Variants in TAFA2 observed in about 807,000 individuals in gnomAD.
The protein encoded by TAFA2 is chemokine-like protein TAFA-2.
In TAFA2, 7 loss-of-function variants were observed where a neutral mutation model predicts 18.8. The ratio of observed to expected loss-of-function variants is 0.37; its 90% CI spans 0.21 to 0.70. The LOEUF (loss-of-function observed/expected upper bound fraction) is 0.70. Among genes scored for constraint, TAFA2 ranks in the 30% least tolerant of loss-of-function variants. The pLI, the probability that TAFA2 is intolerant of heterozygous loss-of-function variation, is 0.53. For missense variants in TAFA2, 122 were observed against 158.1 expected (o/e 0.77, Z 1.23); for synonymous variants, 60 against 54.2 (o/e 1.11, Z -0.47).
intron 1 of TAFA2, among the ~76,000 whole-genome samples, chr12:62,119,175 A>G (rs1403414110): frequency 4.6e-5 from 7 of 152,164 alleles, no homozygotes; most frequent in Non-Finnish European, 1.0e-4. Flanking sequence ...TTTACTCTTC[A>G]GGCATTGATC....
intron 1 of TAFA2, among the ~76,000 whole-genome samples, chr12:62,174,019 T>C (rs925359060): frequency 6.6e-6 from 1 of 152,148 alleles, no homozygotes; most frequent in African/African-American, 2.4e-5. Context: ...TGGCCAGGCG[T>C]GGTGGTTCAT....
chr12:61,789,674 A>C (rs1362931786), intron 2 of TAFA2, among the ~76,000 whole-genome samples: 1 of 151,902 alleles, frequency 6.6e-6, no homozygotes, highest in Non-Finnish European at 1.5e-5. Context: ...CATGTATCCC[A>C]GAACTTAAAG....
intron 4 of TAFA2, among the ~76,000 whole-genome samples, chr12:61,737,029 T>C (rs1868315776): frequency 6.6e-6 from 1 of 151,942 alleles, no homozygotes; most frequent in Non-Finnish European, 1.5e-5. Context: ...GACTATAATA[T>C]TGTCAGTTAG....
Position 61,791,081 on chromosome 12 carries a change from G to A in TAFA2, c.107-36057C>T, listed in dbSNP as rs149474136. 1.8e-3 allele frequency among the ~76,000 whole-genome samples: 277 copies of A among 151,696 alleles called. 1 individual carries two copies. The highest frequency in any genetic ancestry group is 3.7e-3 in the Non-Finnish European group (250 of 67,746). ...CACATCAGCACTGATTTTCGACAAC[G>A]GTCCCAAGAACAAATATTAGGGAAA... On this transcript the variant is annotated intron_variant, in intron 2 of 4. Transcript: ENST00000416284.
chr12:62,081,321 T>A (rs895535293), intron 1 of TAFA2, among the ~76,000 whole-genome samples: 3 of 152,204 alleles, frequency 2.0e-5, no homozygotes, highest in African/African-American at 4.8e-5. Flanking sequence ...TTTAAAAAAC[T>A]ATATAAAATA....
chr12:61,998,902 G>A (rs2136698277), intron 1 of TAFA2, among the ~76,000 whole-genome samples: 1 of 152,324 alleles, frequency 6.6e-6, no homozygotes, highest in South Asian at 2.1e-4. Context: ...AAGTATTAGA[G>A]ATTCACCTCC....
intron 1 of TAFA2, among the ~76,000 whole-genome samples, chr12:62,188,966 A>T (rs1237202582): frequency 6.6e-6 from 1 of 152,162 alleles, no homozygotes; most frequent in African/African-American, 2.4e-5. Context: ...CCAATTTGTC[A>T]TTGTTAAAAT....
chr12:62,039,669 A>G (rs569982638), intron 1 of TAFA2, among the ~76,000 whole-genome samples: 2 of 152,324 alleles, frequency 1.3e-5, no homozygotes, highest in South Asian at 4.1e-4. Context: ...TAAGAACTCA[A>G]GGTAAAGAAG....
chr12:62,067,122 A>AATT (rs1299482108), intron 1 of TAFA2, among the ~76,000 whole-genome samples: 1 of 152,018 alleles, frequency 6.6e-6, no homozygotes, highest in African/African-American at 2.4e-5. Context: ...CCTTTGAAAA[A>AATT]TGTCTATTCA....
At chr12:62,016,744 C>A (rs1880949482) in intron 1 of TAFA2, among the ~76,000 whole-genome samples, 1 of 152,184 alleles carries the variant, frequency 6.6e-6, no homozygotes, top group African/African-American at 2.4e-5. Flanking sequence ...CACCGCCAAG[C>A]CAGTCAAACT....
chr12:61,991,457 C>T (rs1453693887), intron 1 of TAFA2, among the ~76,000 whole-genome samples: 1 of 152,094 alleles, frequency 6.6e-6, no homozygotes, highest in Non-Finnish European at 1.5e-5. Context: ...TCTACAAAGG[C>T]TTCATTTTAT....
In TAFA2 at chr12:62,088,889, T is replaced by G. The variant is rs554494470; in HGVS notation, c.-2+102370A>C. ...CTACATATGTTTTTCTTTCTCTCTCTCTCTCTCTCTCTCTCTATCTCTGTG... is the reference window on the plus strand; with the variant it reads ...CTACATATGTTTTTCTTTCTCTCTCGCTCTCTCTCTCTCTCTATCTCTGTG... On this transcript the variant is annotated intron_variant, in intron 1 of 4. Transcript: ENST00000416284. Among the ~76,000 whole-genome samples, 12 of 151,102 alleles carry G rather than the reference T, an allele frequency of 7.9e-5. No individual in the cohort carries two copies. In the South Asian group the frequency reaches 2.3e-3, roughly 29 times the overall value.
chr12:61,851,270 A>G (rs1298981588), intron 2 of TAFA2, among the ~76,000 whole-genome samples: 1 of 152,210 alleles, frequency 6.6e-6, no homozygotes, highest in African/African-American at 2.4e-5. Context: ...AGGGGAGATA[A>G]TAGTCATGAA....
rs1417863306 is a variant in TAFA2 at position 61,710,388 on chromosome 12, C to T, written c.*18G>A. On this transcript the variant is annotated 3_prime_UTR_variant, in exon 5 of 5. Coordinates refer to ENST00000416284, the MANE Select transcript of TAFA2 (RefSeq NM_178539.5). ...GTTCAATGTCATCAGCCTTGAGGATCACTTGATTTCTCCTGGGTTAATGGG... is the reference window on the plus strand; with the variant it reads ...GTTCAATGTCATCAGCCTTGAGGATTACTTGATTTCTCCTGGGTTAATGGG... The T allele has an allele frequency of 6.2e-7, 1 of 1,608,220 alleles. No individual in the cohort carries two copies. Among genetic ancestry groups the T allele is most frequent in the African/African-American group, 1.3e-5 (1 of 74,842 alleles).
rs1565626031 is a variant in TAFA2 at position 61,764,226 on chromosome 12, T to TAGATAGATAGATA, written c.107-9203_107-9202insTATCTATCTATCT. ...AATGGTCCATTTTAGATTAGATGAT[T>TAGATAGATAGATA]GATTGATAGATAGATAGATAGATAG... On this transcript the variant is annotated intron_variant, in intron 2 of 4. Coordinates refer to ENST00000416284, the MANE Select transcript of TAFA2 (RefSeq NM_178539.5). 1.3e-4 allele frequency among the ~76,000 whole-genome samples: 4 copies of TAGATAGATAGATA among 30,382 alleles called. No homozygotes were observed. In the East Asian group the frequency reaches 3.3e-3, roughly 25 times the overall value. The allele number at this position is 30,382 out of a possible 152,430, so 19.9% of individuals were successfully genotyped here.
chr12:61,897,401 A>G (rs1875894831), intron 1 of TAFA2, among the ~76,000 whole-genome samples: 1 of 152,210 alleles, frequency 6.6e-6, no homozygotes, highest in African/African-American at 2.4e-5. Context: ...ACACTGCTAT[A>G]AAGAACTGCC....
upstream of TAFA2, among the ~76,000 whole-genome samples, chr12:62,196,873 A>C (rs1375269514): frequency 2.6e-5 from 4 of 152,310 alleles, no homozygotes; most frequent in Admixed American, 2.6e-4. Context: ...AATAAAAGAA[A>C]ATAATAATAA....
At chr12:62,173,234 G>A (rs1415250870) in intron 1 of TAFA2, among the ~76,000 whole-genome samples, 1 of 152,116 alleles carries the variant, frequency 6.6e-6, no homozygotes, top group Non-Finnish European at 1.5e-5. Context: ...CCAACATGGT[G>A]AAACCCTGTC....
chr12:61,968,229 T>A (rs1879133079), intron 1 of TAFA2, among the ~76,000 whole-genome samples: 1 of 151,780 alleles, frequency 6.6e-6, no homozygotes, highest in Admixed American at 6.6e-5. Flanking sequence ...TTTCTGGGCC[T>A]TTTGTCATGC....
Sources: allele counts gnomAD v4.1 joint callset (sites outside exome capture counted in the v4.1 genomes callset), GRCh38; gene constraint gnomAD v4.1.1; transcripts MANE v1.5; gene names NCBI Gene and HGNC (gene_info 2026-07-23, HGNC 2026-07-21).